Variants in MYO10 observed in about 807,000 individuals in gnomAD.
MYO10 encodes myosin X, also known as unconventional myosin-X.
A neutral mutation model predicts 257.3 loss-of-function variants in MYO10; 133 were observed. That is an observed-to-expected ratio of 0.52 (90% CI 0.45 to 0.60). MYO10 has a LOEUF of 0.60. Among genes scored for constraint, MYO10 ranks in the 20% least tolerant of loss-of-function variants. The pLI is 0.00. For synonymous variants in MYO10, 1,104 were observed against 1,028.6 expected (o/e 1.07, Z -1.40); for missense variants, 2,399 against 2,635.7 (o/e 0.91, Z 1.97).
chr5:16,898,541 T>C (rs1474965680), intron 1 of MYO10, among the ~76,000 whole-genome samples: 2 of 151,372 alleles, frequency 1.3e-5, no homozygotes, highest in South Asian at 2.1e-4. Context: ...GCATCCCGAA[T>C]AGATGGGATT....
chr5:16,730,146 G>A (rs1293456972), intron 19 of MYO10, among the ~76,000 whole-genome samples: 3 of 152,248 alleles, frequency 2.0e-5, no homozygotes, highest in African/African-American at 4.8e-5. Context: ...GGTGATGGCT[G>A]TAGCTATGGC....
rs545065649 is a variant in MYO10, at chr5:16,665,220, A to C, written c.*1472T>G. ...TCTGTCTCTAAAGAAAAAAAAAAAAAACCACCAAAAAGCCAAAACAAAAAT... is the reference window on the plus strand; with the variant it reads ...TCTGTCTCTAAAGAAAAAAAAAAAACACCACCAAAAAGCCAAAACAAAAAT... On this transcript the variant is annotated 3_prime_UTR_variant, in exon 41 of 41. Coordinates refer to ENST00000513610, the MANE Select transcript of MYO10 (RefSeq NM_012334.3). The C allele has an allele frequency of 1.3e-5, 2 of 151,278 alleles. No homozygotes were observed. The highest frequency in any genetic ancestry group is 2.4e-5 in the African/African-American group (1 of 41,294). 9.4% of individuals were successfully genotyped at this position (151,278 alleles called of 1,614,324 possible). A position where few individuals can be genotyped will look rare whatever the true frequency, so the allele number is the denominator to read the frequency against.
intron 4 of MYO10, among the ~76,000 whole-genome samples, chr5:16,784,431 G>A (rs535741991): frequency 4.3e-4 from 66 of 152,316 alleles, no homozygotes; most frequent in Non-Finnish European, 8.4e-4. Flanking sequence ...AGCTGCTGCC[G>A]TTGTTTAGGC....
intron 2 of MYO10, among the ~76,000 whole-genome samples, chr5:16,852,085 TACTGATC>T (rs1208521962): frequency 7.1e-6 from 1 of 141,832 alleles, no homozygotes; most frequent in Non-Finnish European, 1.5e-5. Context: ...AAAGAAGACT[TACTGATC>T]ACTGGGAAGG....
chr5:16,809,268 A>T (rs1742364810), intron 3 of MYO10, among the ~76,000 whole-genome samples: 1 of 152,092 alleles, frequency 6.6e-6, no homozygotes, highest in African/African-American at 2.4e-5. Context: ...AGGGCACCCC[A>T]ATGCCAAGGC....
intron 3 of MYO10, among the ~76,000 whole-genome samples, chr5:16,815,800 A>T (rs1171637562): frequency 6.6e-6 from 1 of 152,228 alleles, no homozygotes; most frequent in African/African-American, 2.4e-5. Context: ...AGATGAGAAC[A>T]GAGAAATAAA....
chr5:16,765,168 A>T (rs981699484), intron 11 of MYO10, among the ~76,000 whole-genome samples: 1 of 152,188 alleles, frequency 6.6e-6, no homozygotes, highest in Non-Finnish European at 1.5e-5. Context: ...TGAAGGATAC[A>T]AAGTATTAAT....
At position 16,738,079 on chromosome 5, in the gene MYO10, A is replaced by G. The variant is rs112434053; in HGVS notation, c.1929+16749T>C. On this transcript the variant is annotated intron_variant, in intron 19 of 40. Coordinates refer to ENST00000513610, the MANE Select transcript of MYO10 (RefSeq NM_012334.3). ...AGTTACAAAATTAAGGGAGATGATG[A>G]GGCCAAAGCTTAGAGGAGGGTTTTG... 3.6e-3 allele frequency: 3,419 copies of G among 956,482 alleles called. 77 individuals carry two copies. The African/African-American group carries it at 0.051, about 14-fold the overall frequency. The allele number at this position is 956,482 out of a possible 1,614,324, so 59.2% of individuals were successfully genotyped here. A position where few individuals can be genotyped will look rare whatever the true frequency, so the allele number is the denominator to read the frequency against.
intron 2 of MYO10, among the ~76,000 whole-genome samples, chr5:16,876,562 G>C (rs1324251070): frequency 6.6e-6 from 1 of 151,896 alleles, no homozygotes; most frequent in East Asian, 1.9e-4. Context: ...TGATTAACTG[G>C]TTTGTTTTCT....
intron 18 of MYO10, 55 bp downstream of exon 18, chr5:16,758,063 A>G: frequency 2.3e-6 from 3 of 1,320,582 alleles, no homozygotes; most frequent in South Asian, 1.2e-5. Flanking sequence ...TCCTCTTTTC[A>G]GTTCTTAAAA....
chr5:16,825,982 T>C (rs1213160789), intron 2 of MYO10, among the ~76,000 whole-genome samples: 1 of 152,008 alleles, frequency 6.6e-6, no homozygotes, highest in Non-Finnish European at 1.5e-5. Flanking sequence ...ACCCTGTCTC[T>C]ACTAAAAATA....
At chr5:16,691,419 C>A (rs1737498193) in intron 27 of MYO10, among the ~76,000 whole-genome samples, 1 of 151,924 alleles carries the variant, frequency 6.6e-6, no homozygotes, top group Non-Finnish European at 1.5e-5. Context: ...AAGATCAGGG[C>A]CGGGCGTGGC....
Position 16,705,240 on chromosome 5 carries a change from G to A in MYO10, c.2170-555C>T, listed in dbSNP as rs140955510. The stretch of plus-strand genomic sequence containing the variant: ...ACTTAAATGCACTCAAAATATTGAC[G>A]TTAAGAACATTATTCTGAAAACTGA... On this transcript the variant is annotated intron_variant, in intron 21 of 40. Transcript: ENST00000513610. 2.9e-3 allele frequency among the ~76,000 whole-genome samples: 435 copies of A among 152,308 alleles called. 4 individuals are homozygous for A. Among genetic ancestry groups the A allele is most frequent in the African/African-American group, 0.01 (419 of 41,566 alleles).
At chr5:16,847,267 A>G (rs928315368) in intron 2 of MYO10, among the ~76,000 whole-genome samples, 1 of 152,088 alleles carries the variant, frequency 6.6e-6, no homozygotes, top group African/African-American at 2.4e-5. Flanking sequence ...CTATTAAAAT[A>G]CAAAAAATTA....
chr5:16,689,688 A>C (rs1353430339), intron 28 of MYO10, 136 bp downstream of exon 28: 3 of 666,784 alleles, frequency 4.5e-6, no homozygotes, highest in African/African-American at 1.8e-5. Flanking sequence ...TCAATCTCGT[A>C]TGACTCTTGG....
intron 2 of MYO10, 78 bp downstream of exon 2, chr5:16,877,531 C>T (rs7356599): frequency 0.076 from 84,874 of 1,116,916 alleles, 4,592 homozygotes; most frequent in African/African-American, 0.18. Flanking sequence ...TGTAGGGGGG[C>T]CAAGCACACA....
At chr5:16,672,940 C>A in intron 36 of MYO10, 115 bp from the exon 37 acceptor site, 1 of 1,237,120 alleles carries the variant, frequency 8.1e-7, no homozygotes, top group Admixed American at 2.8e-5. Flanking sequence ...GCGTCTCCAG[C>A]CTCCTAAAAA....
At chr5:16,786,839 C>T (rs1741594959) in intron 4 of MYO10, among the ~76,000 whole-genome samples, 1 of 149,900 alleles carries the variant, frequency 6.7e-6, no homozygotes, top group South Asian at 2.2e-4. Context: ...CTCGTCCAAA[C>T]CTGTGGGTGT....
chr5:16,878,375 C>G (rs2126762851), intron 1 of MYO10, among the ~76,000 whole-genome samples: 1 of 152,304 alleles, frequency 6.6e-6, no homozygotes, highest in South Asian at 2.1e-4. Context: ...ACATGAGACA[C>G]CTAATGAACT....
Sources: gnomAD v4.1 joint callset for allele counts (sites outside exome capture counted in the v4.1 genomes callset) on GRCh38, gnomAD v4.1.1 for gene constraint, MANE v1.5 for transcripts, NCBI Gene and HGNC (gene_info 2026-07-23, HGNC 2026-07-21) for gene names.